Variants in ATXN10 observed in about 807,000 individuals in gnomAD.
The protein encoded by ATXN10 is ataxin-10.
ATXN10 carries 28 observed loss-of-function variants against 52.9 expected under a neutral mutation model. The ratio of observed to expected loss-of-function variants is 0.53; its 90% CI spans 0.39 to 0.73. The LOEUF (loss-of-function observed/expected upper bound fraction) is 0.73, where lower values mean the gene tolerates loss of function less well. Among genes scored for constraint, ATXN10 ranks in the 30% least tolerant of loss-of-function variants. The probability of loss-of-function intolerance (pLI) is 0.00; values close to 1 mark genes in which losing one functional copy is unlikely to be tolerated. For missense variants in ATXN10, 565 were observed against 577.0 expected (o/e 0.98, Z 0.21); for synonymous variants, 226 against 221.5 (o/e 1.02, Z -0.18).
intron 10 of ATXN10, among the ~76,000 whole-genome samples, chr22:45,836,598 T>A (rs370360365): frequency 4.6e-5 from 7 of 152,138 alleles, no homozygotes; most frequent in Non-Finnish European, 8.8e-5. Context: ...AGGGCCAAGG[T>A]CAATGAGGAC....
In ATXN10 at chr22:45,787,091, A is replaced by G. The variant is rs1307787952; in HGVS notation, c.1174-19868A>G. 1.3e-5 allele frequency among the ~76,000 whole-genome samples: 2 copies of G among 152,234 alleles called. No homozygotes were observed. Among genetic ancestry groups the G allele is most frequent in the African/African-American group, 4.8e-5 (2 of 41,460 alleles). On this transcript the variant is annotated intron_variant, in intron 9 of 11. Transcript: ENST00000252934. This position sits in a 1 kb window ranked among gnomAD's most constrained non-coding sequence, Gnocchi z 4.2. ...TATTAGAAAATCACATTTTCAAATA[A>G]TTTTTATTGTATGGAAAGATCTAAA...
intron 9 of ATXN10, among the ~76,000 whole-genome samples, chr22:45,751,843 G>GTTTT (rs138181): frequency 7.5e-6 from 1 of 132,658 alleles, no homozygotes; most frequent in Non-Finnish European, 1.6e-5. Flanking sequence ...AGCATATTTA[G>GTTTT]TTTTTTTTTT....
chr22:45,730,754 C>G (rs894780127), intron 7 of ATXN10, among the ~76,000 whole-genome samples: 4 of 152,172 alleles, frequency 2.6e-5, no homozygotes, highest in Non-Finnish European at 5.9e-5. Flanking sequence ...GTTCTTATTT[C>G]TACTTATTTT....
In ATXN10 at chr22:45,843,534, T is replaced by TG; in HGVS notation, c.1426-134dup. ...AAAAACAGAACTCCTTGAATAATATTGCATGAATTGTTTTAGGTTTCTCTA... is the reference window on the plus strand; with the variant it reads ...AAAAACAGAACTCCTTGAATAATATTGGCATGAATTGTTTTAGGTTTCTCTA... On this transcript the variant is annotated intron_variant, in intron 11 of 11. Coordinates refer to ENST00000252934, the MANE Select transcript of ATXN10 (RefSeq NM_013236.4). This position sits in a 1 kb window ranked among gnomAD's most constrained non-coding sequence, Gnocchi z 4.5. The TG allele has an allele frequency of 1.3e-6, 1 of 798,632 alleles. No individual in the cohort carries two copies. Among genetic ancestry groups the TG allele is most frequent in the Non-Finnish European group, 2.2e-6 (1 of 463,508 alleles). The allele number at this position is 798,632 out of a possible 1,614,324, so 49.5% of individuals were successfully genotyped here. A position where few individuals can be genotyped will look rare whatever the true frequency, so the allele number is the denominator to read the frequency against.
intron 10 of ATXN10, among the ~76,000 whole-genome samples, chr22:45,822,600 G>A (rs969241857): frequency 4.3e-5 from 6 of 139,386 alleles, no homozygotes; most frequent in African/African-American, 8.2e-5. Flanking sequence ...GCACGATCTC[G>A]GCTCACTGCA....
At chr22:45,692,818 A>C (rs1408330487) in intron 2 of ATXN10, among the ~76,000 whole-genome samples, 178 bp from the exon 3 acceptor site, 1 of 152,216 alleles carries the variant, frequency 6.6e-6, no homozygotes, top group Non-Finnish European at 1.5e-5. Flanking sequence ...TCTGCATGTA[A>C]ATATAACCTC....
intron 9 of ATXN10, among the ~76,000 whole-genome samples, chr22:45,758,983 A>G (rs1294311952): frequency 3.3e-5 from 5 of 152,248 alleles, no homozygotes; most frequent in Non-Finnish European, 1.5e-5. Flanking sequence ...TTTAGAGTTA[A>G]CAAGATTTAA....
chr22:45,729,113 C>A (rs1057229686), intron 6 of ATXN10, among the ~76,000 whole-genome samples: 1 of 152,130 alleles, frequency 6.6e-6, no homozygotes, highest in South Asian at 2.1e-4. Context: ...TTGCTAGTGT[C>A]GTCGATGTGT....
At chr22:45,738,891 C>A in intron 8 of ATXN10, 52 bp downstream of exon 8, 2 of 1,420,374 alleles carry the variant, frequency 1.4e-6, no homozygotes, top group South Asian at 2.3e-5. Context: ...TTTGGCTTGT[C>A]ATACTGTAAT....
In ATXN10 at chr22:45,688,015, C is replaced by G. The variant is rs1923216733; in HGVS notation, c.117-1697C>G. On this transcript the variant is annotated intron_variant, in intron 1 of 11. Transcript: ENST00000252934. This position sits in a 1 kb window ranked among gnomAD's most constrained non-coding sequence, Gnocchi z 4.0. ...GAGGTTGCAGTGAGCCAAGATTGCA[C>G]CACTGCAACTCCAGCCTGGGCGACA... Among the ~76,000 whole-genome samples, 1 of 152,162 alleles carries G rather than the reference C, an allele frequency of 6.6e-6. No homozygotes were observed. The highest frequency in any genetic ancestry group is 1.5e-5 in the Non-Finnish European group (1 of 68,032).
In ATXN10 at chr22:45,843,615, A is replaced by G. The variant is rs372384199; in HGVS notation, c.1426-54A>G. 1.3e-6 allele frequency: 2 copies of G among 1,590,808 alleles called. No homozygotes were observed. The highest frequency in any genetic ancestry group is 2.7e-5 in the African/African-American group (2 of 74,546). The stretch of plus-strand genomic sequence containing the variant: ...GGTTTTTTCCCCTTTTGTCTGATGA[A>G]TCTTGTGAACAGATTTGCTACATCT... On this transcript the variant is annotated intron_variant, in intron 11 of 11. Transcript: ENST00000252934. This position sits in a 1 kb window ranked among gnomAD's most constrained non-coding sequence, Gnocchi z 4.5.
intron 1 of ATXN10, among the ~76,000 whole-genome samples, chr22:45,680,734 G>A (rs949819622): frequency 2.6e-5 from 4 of 151,750 alleles, no homozygotes; most frequent in African/African-American, 9.7e-5. Flanking sequence ...ATAGTATTGC[G>A]ATTACAGGTG....
chr22:45,821,292 G>A (rs112928386), intron 10 of ATXN10, among the ~76,000 whole-genome samples: 2 of 150,644 alleles, frequency 1.3e-5, no homozygotes, highest in Non-Finnish European at 3.0e-5. Context: ...CAGGAGGATC[G>A]CTTGAGCCTG....
chr22:45,836,143 G>A (rs1158526895), intron 10 of ATXN10, among the ~76,000 whole-genome samples: 1 of 152,176 alleles, frequency 6.6e-6, no homozygotes, highest in East Asian at 1.9e-4. Flanking sequence ...GCGTCATGCA[G>A]GGAGACCCTG....
intron 9 of ATXN10, chr22:45,793,881 C>T (rs1394719463): frequency 1.0e-5 from 13 of 1,269,850 alleles, no homozygotes; most frequent in Non-Finnish European, 1.2e-5. Flanking sequence ...TTGATTGAAG[C>T]AGCAGTGTAT....
chr22:45,738,574 C>G, intron 7 of ATXN10, 157 bp from the exon 8 acceptor site: 3 of 625,176 alleles, frequency 4.8e-6, no homozygotes, highest in Non-Finnish European at 2.7e-6. Context: ...TTTCATACTT[C>G]TGTTTTGTTC....
At position 45,826,388 on chromosome 22, in the gene ATXN10, AT is replaced by A. The variant is rs1263985831; in HGVS notation, c.1238-16602del. The stretch of plus-strand genomic sequence containing the variant: ...AAGGGCAGAGAGAATATCTGAAGAA[AT>A]AAGGACTGAAAATTTTCCACATTTG... On this transcript the variant is annotated intron_variant, in intron 10 of 11. Transcript: ENST00000252934. The surrounding 1 kb of genome is among the most constrained non-coding windows in gnomAD (Gnocchi z 5.0). Among the ~76,000 whole-genome samples, 1 of 152,238 alleles carries A rather than the reference AT, an allele frequency of 6.6e-6. No individual in the cohort carries two copies. Among genetic ancestry groups the A allele is most frequent in the Admixed American group, 6.5e-5 (1 of 15,288 alleles).
At position 45,733,509 on chromosome 22, in the gene ATXN10, C is replaced by T. The variant is rs1291192232; in HGVS notation, c.894+3919C>T. Among the ~76,000 whole-genome samples, 1 of 152,032 alleles carries T rather than the reference C, an allele frequency of 6.6e-6. No individual in the cohort carries two copies. The highest frequency in any genetic ancestry group is 2.1e-4 in the South Asian group (1 of 4,822). On this transcript the variant is annotated intron_variant, in intron 7 of 11. Coordinates refer to ENST00000252934, the MANE Select transcript of ATXN10 (RefSeq NM_013236.4). The surrounding 1 kb of genome is among the most constrained non-coding windows in gnomAD (Gnocchi z 4.4). Reference sequence around the variant, plus strand: ...CAGCACTTTAGGAGGTCGAGGTGGGCAGATTGCCTGAGGTCAGGAGTTTGA... The same window carrying T: ...CAGCACTTTAGGAGGTCGAGGTGGGTAGATTGCCTGAGGTCAGGAGTTTGA...
rs764704792 is a variant in ATXN10 at position 45,754,887 on chromosome 22, C to T, written c.1173+14349C>T. 2.0e-5 allele frequency among the ~76,000 whole-genome samples: 3 copies of T among 152,178 alleles called. No individual in the cohort carries two copies. Among genetic ancestry groups the T allele is most frequent in the Non-Finnish European group, 4.4e-5 (3 of 68,032 alleles). On this transcript the variant is annotated intron_variant, in intron 9 of 11. Coordinates refer to ENST00000252934, the MANE Select transcript of ATXN10 (RefSeq NM_013236.4). This position sits in a 1 kb window ranked among gnomAD's most constrained non-coding sequence, Gnocchi z 5.4. ...GTCTTGGCCCTCCTTGCAACAGGCT[C>T]TTGGGCAGGCAGCCACCATGAAGGG...
Sources: allele counts gnomAD v4.1 joint callset (sites outside exome capture counted in the v4.1 genomes callset), GRCh38; gene constraint gnomAD v4.1.1; non-coding constraint Gnocchi (gnomAD v3.1); transcripts MANE v1.5; gene names NCBI Gene and HGNC (gene_info 2026-07-23, HGNC 2026-07-21).